The following CA10 variants were observed in gnomAD, a reference collection of about 807,000 sequenced individuals.
CA10 encodes the protein carbonic anhydrase-related protein 10.
In CA10, 14 loss-of-function variants were observed where a neutral mutation model predicts 44.2. The observed-to-expected ratio is 0.32, with a 90% CI of 0.21 to 0.50. The LOEUF is 0.50. Among genes scored for constraint, CA10 ranks in the 20% least tolerant of loss-of-function variants. The pLI is 0.99. For synonymous variants in CA10, 159 were observed against 141.6 expected, an observed-to-expected ratio of 1.12 and a Z score of -0.87; for missense variants, 350 against 409.7, an observed-to-expected ratio of 0.85 and a Z score of 1.26.
At chr17:51,990,089 T>C (rs1984987562) in intron 2 of CA10, among the ~76,000 whole-genome samples, 1 of 152,178 alleles carries the variant, frequency 6.6e-6, no homozygotes, top group Non-Finnish European at 1.5e-5. Context: ...ATCTGTCTCT[T>C]CTACTTAAGA....
At chr17:51,848,750 T>TA (rs1164633865) in intron 3 of CA10, among the ~76,000 whole-genome samples, 1 of 152,138 alleles carries the variant, frequency 6.6e-6, no homozygotes, top group Admixed American at 6.6e-5. Context: ...CTTTTGAAAC[T>TA]AAAAAATTGC....
chr17:51,924,037 A>G (rs1471077215), intron 3 of CA10, among the ~76,000 whole-genome samples: 1 of 152,198 alleles, frequency 6.6e-6, no homozygotes, highest in African/African-American at 2.4e-5. Flanking sequence ...TTACAAGGAA[A>G]GCGATATTAA....
chr17:51,773,798 G>T (rs551606656), intron 3 of CA10, among the ~76,000 whole-genome samples: 213 of 152,312 alleles, frequency 1.4e-3, no homozygotes, highest in Admixed American at 2.5e-3. Flanking sequence ...CAGGCATCTT[G>T]TATACTTTTT....
chr17:52,018,271 G>A (rs888453587), intron 2 of CA10, among the ~76,000 whole-genome samples: 1 of 152,190 alleles, frequency 6.6e-6, no homozygotes, highest in East Asian at 1.9e-4. Flanking sequence ...ACCAAATAAT[G>A]GTAGAGCCAC....
Position 51,631,288 on chromosome 17 carries a change from T to A in CA10, c.*296A>T, listed in dbSNP as rs1912558677. On this transcript the variant is annotated 3_prime_UTR_variant, in exon 9 of 9. Coordinates refer to ENST00000451037, the MANE Select transcript of CA10 (RefSeq NM_020178.5). ...AGACCTCTTATGAATGAGACTTTTGTTTCTGAAACTTGACTTCCCATGATG... is the reference window on the plus strand; with the variant it reads ...AGACCTCTTATGAATGAGACTTTTGATTCTGAAACTTGACTTCCCATGATG... The A allele has an allele frequency of 2.7e-6, 1 of 364,382 alleles. No homozygotes were observed. Among genetic ancestry groups the A allele is most frequent in the Non-Finnish European group, 5.0e-6 (1 of 200,774 alleles). The allele number at this position is 364,382 out of a possible 1,614,324, so 22.6% of individuals were successfully genotyped here.
At chr17:51,939,466 T>C (rs923086217) in intron 2 of CA10, among the ~76,000 whole-genome samples, 5 of 152,142 alleles carry the variant, frequency 3.3e-5, no homozygotes, top group Admixed American at 2.0e-4. Flanking sequence ...ATGCTTTATT[T>C]TAATAGATGC....
At chr17:51,717,535 A>G (rs1251866569) in intron 4 of CA10, among the ~76,000 whole-genome samples, 6 of 22,558 alleles carry the variant, frequency 2.7e-4, no homozygotes, top group African/African-American at 5.6e-4. Context: ...ACTGGTATAT[A>G]TATATATATA....
chr17:51,786,214 CTGTGTGTG>C (rs71357856), intron 3 of CA10, among the ~76,000 whole-genome samples: 7 of 147,922 alleles, frequency 4.7e-5, no homozygotes, highest in African/African-American at 1.7e-4. Flanking sequence ...CTTTGTGTGT[CTGTGTGTG>C]TGTGTGTGTG....
intron 4 of CA10, among the ~76,000 whole-genome samples, chr17:51,730,749 C>G (rs1016193028): frequency 6.6e-6 from 1 of 152,156 alleles, no homozygotes; most frequent in East Asian, 1.9e-4. Context: ...AGCCTCTGTG[C>G]AAGAAAGCTA....
intron 3 of CA10, among the ~76,000 whole-genome samples, chr17:51,862,864 A>T (rs1224038523): frequency 1.3e-5 from 2 of 152,108 alleles, no homozygotes; most frequent in Non-Finnish European, 2.9e-5. Flanking sequence ...CACTAATCCC[A>T]TCATGAGAGT....
At position 52,031,774 on chromosome 17, in the gene CA10, C is replaced by T. The variant is rs74544679; in HGVS notation, c.136+40545G>A. Among the ~76,000 whole-genome samples, 1,445 of 152,132 alleles carry T rather than the reference C, an allele frequency of 9.5e-3. 28 individuals carry two copies. Among genetic ancestry groups the T allele is most frequent in the African/African-American group, 0.033 (1,366 of 41,496 alleles). On this transcript the variant is annotated intron_variant, in intron 2 of 8. Coordinates refer to ENST00000451037, the MANE Select transcript of CA10 (RefSeq NM_020178.5). ...TTAATGCTAATATCTTCTCCCATTCCGCCAAATTTCCCTTTGCAATAAGTT... is the reference window on the plus strand; with the variant it reads ...TTAATGCTAATATCTTCTCCCATTCTGCCAAATTTCCCTTTGCAATAAGTT...
At chr17:51,835,739 A>G (rs1396540745) in intron 3 of CA10, among the ~76,000 whole-genome samples, 1 of 152,200 alleles carries the variant, frequency 6.6e-6, no homozygotes, top group Non-Finnish European at 1.5e-5. Context: ...TATGTGTTTT[A>G]TAAAAAAATA....
intron 2 of CA10, among the ~76,000 whole-genome samples, chr17:51,985,067 G>A (rs1367858655): frequency 6.6e-6 from 1 of 151,826 alleles, no homozygotes; most frequent in East Asian, 1.9e-4. Flanking sequence ...AACCAAAAAA[G>A]AAAACTACGG....
intron 3 of CA10, among the ~76,000 whole-genome samples, chr17:51,913,922 T>G (rs1981887660): frequency 1.3e-5 from 2 of 152,128 alleles, no homozygotes; most frequent in Admixed American, 1.3e-4. Context: ...TTACCATTAT[T>G]ATTATCCACA....
chr17:51,842,261 AAAC>A (rs2143806793), intron 3 of CA10, among the ~76,000 whole-genome samples: 1 of 152,304 alleles, frequency 6.6e-6, no homozygotes, highest in South Asian at 2.1e-4. Context: ...TAAAGAGAAA[AAAC>A]AAAAACAATC....
intron 7 of CA10, among the ~76,000 whole-genome samples, chr17:51,634,505 G>A (rs1439704403): frequency 6.6e-6 from 1 of 152,128 alleles, no homozygotes; most frequent in East Asian, 1.9e-4. Context: ...GTCGTAGAAT[G>A]TCAGAGCTGG....
chr17:51,849,198 CAT>C (rs1491451280), intron 3 of CA10, among the ~76,000 whole-genome samples: 10 of 24,702 alleles, frequency 4.0e-4, no homozygotes, highest in South Asian at 1.3e-3. Flanking sequence ...TATATATATA[CAT>C]ATATGTATAT....
At chr17:51,694,479 C>T (rs1257881784) in intron 4 of CA10, among the ~76,000 whole-genome samples, 2 of 146,438 alleles carry the variant, frequency 1.4e-5, no homozygotes, top group Non-Finnish European at 3.0e-5. Flanking sequence ...ATGTCTTTTG[C>T]ACACTTTTTA....
intron 3 of CA10, among the ~76,000 whole-genome samples, chr17:51,831,271 C>A (rs1908229734): frequency 6.6e-6 from 1 of 152,222 alleles, no homozygotes; most frequent in African/African-American, 2.4e-5. Flanking sequence ...CATGGAGAGT[C>A]TGCAAGTCCC....
Sources: gnomAD v4.1 joint callset for allele counts (sites outside exome capture counted in the v4.1 genomes callset) on GRCh38, gnomAD v4.1.1 for gene constraint, MANE v1.5 for transcripts, NCBI Gene and HGNC (gene_info 2026-07-23, HGNC 2026-07-21) for gene names.